Variants in LYAR observed in about 807,000 individuals in gnomAD.
LYAR encodes Ly1 antibody reactive, also known as cell growth-regulating nucleolar protein.
LYAR carries 37 observed loss-of-function variants against 45.2 expected under a neutral mutation model. That is an observed-to-expected ratio of 0.82 (90% confidence interval 0.63 to 1.08). The LOEUF (loss-of-function observed/expected upper bound fraction) is 1.08, where lower values mean the gene tolerates loss of function less well. Among genes scored for constraint, LYAR ranks in the 50% least tolerant of loss-of-function variants. LYAR has a pLI of 0.00. For missense variants in LYAR, 493 were observed against 451.0 expected, an observed-to-expected ratio of 1.09 and a Z score of -0.84; for synonymous variants, 176 against 155.1, an observed-to-expected ratio of 1.14 and a Z score of -1.00.
chr4:4,280,507 AT>A (rs1457328310), intron 4 of LYAR, among the ~76,000 whole-genome samples: 1 of 152,138 alleles, frequency 6.6e-6, no homozygotes, highest in Non-Finnish European at 1.5e-5. Flanking sequence ...CAGATCTCAT[AT>A]TTTCTGATTT....
chr4:4,274,977 CTCTG>C (rs1475370365), intron 6 of LYAR, among the ~76,000 whole-genome samples: 5 of 152,352 alleles, frequency 3.3e-5, no homozygotes, highest in Admixed American at 2.6e-4. Flanking sequence ...GTCCACACCC[CTCTG>C]TCTGCACAGA....
chr4:4,288,593 C>T (rs754970068), intron 1 of LYAR, among the ~76,000 whole-genome samples: 10 of 149,170 alleles, frequency 6.7e-5, no homozygotes, highest in Non-Finnish European at 1.3e-4. Context: ...TCAAGTGATT[C>T]TCCGGCCTCA....
Position 4,281,807 on chromosome 4 carries a change from G to A in LYAR, c.213C>T (p.Asp71=). ...KGYEGKTHKG[D]IKQQAWIQKI... ...CCTGAATCCACGCCTGCTGTTTGAT[G>A]TCGCCTTTGTGGGTTTTACCTTCAT... The change falls in exon 4 of 10, where the codon GAC becomes GAT. Residue 71 remains aspartate (D), a synonymous_variant. Transcript: ENST00000343470. 1 of 1,614,034 alleles carries A rather than the reference G, an allele frequency of 6.2e-7. No homozygotes were observed. Among genetic ancestry groups the A allele is most frequent in the Non-Finnish European group, 8.5e-7 (1 of 1,179,884 alleles).
chr4:4,289,114 G>A (rs1269913099), intron 1 of LYAR, among the ~76,000 whole-genome samples: 1 of 152,168 alleles, frequency 6.6e-6, no homozygotes, highest in East Asian at 1.9e-4. Flanking sequence ...GGCTGACAAG[G>A]GTTACAATGG....
intron 2 of LYAR, among the ~76,000 whole-genome samples, chr4:4,285,517 C>T (rs1719571079): frequency 6.6e-6 from 1 of 152,208 alleles, no homozygotes; most frequent in East Asian, 1.9e-4. Context: ...ACATCACATT[C>T]TCAAAGAGCA....
In LYAR at chr4:4,283,603, G is replaced by C; in HGVS notation, c.122+18C>G. 6.2e-7 allele frequency: 1 copy of C among 1,605,782 alleles called. No individual in the cohort carries two copies. The highest frequency in any genetic ancestry group is 8.5e-7 in the Non-Finnish European group (1 of 1,177,228). The stretch of plus-strand genomic sequence containing the variant: ...ATCTGGATTTACTATGGATCTACAT[G>C]AATTCTGTGAAGCTTACCAGAAATC... On this transcript the variant is annotated intron_variant, in intron 3 of 9. Coordinates refer to ENST00000343470, the MANE Select transcript of LYAR (RefSeq NM_017816.3).
chr4:4,272,318 T>A (rs906970844), intron 8 of LYAR, among the ~76,000 whole-genome samples: 2 of 152,138 alleles, frequency 1.3e-5, no homozygotes, highest in African/African-American at 4.8e-5. Flanking sequence ...ACAAAAAATG[T>A]AACAACAACA....
chr4:4,275,439 CTT>C (rs11457102), intron 6 of LYAR, among the ~76,000 whole-genome samples: 1 of 143,960 alleles, frequency 6.9e-6, no homozygotes, highest in African/African-American at 2.6e-5. Flanking sequence ...TCTCATCATT[CTT>C]TTTTTTTTTT....
At chr4:4,281,729 A>T in intron 4 of LYAR, 54 bp downstream of exon 4, 1 of 1,345,894 alleles carries the variant, frequency 7.4e-7, no homozygotes, top group Non-Finnish European at 1.1e-6. Context: ...TTGGGCTTCC[A>T]AAGAAAGCGG....
chr4:4,278,098 G>A (rs1452197234), intron 6 of LYAR, among the ~76,000 whole-genome samples: 1 of 152,178 alleles, frequency 6.6e-6, no homozygotes, highest in Non-Finnish European at 1.5e-5. Context: ...TTGATTCTTA[G>A]TTAAAACAGA....
intron 8 of LYAR, among the ~76,000 whole-genome samples, chr4:4,272,509 A>T (rs565390986): frequency 6.6e-6 from 1 of 152,298 alleles, no homozygotes; most frequent in East Asian, 1.9e-4. Flanking sequence ...ATTATCAATA[A>T]CTAATAATAA....
chr4:4,283,926 A>G, intron 2 of LYAR, 131 bp from the exon 3 acceptor site: 1 of 535,746 alleles, frequency 1.9e-6, no homozygotes, highest in African/African-American at 1.9e-5. Context: ...AATCTACATA[A>G]AATTCCACCA....
chr4:4,268,147 G>A (rs1036635400), intron 9 of LYAR, 124 bp from the exon 10 acceptor site: 16 of 877,374 alleles, frequency 1.8e-5, no homozygotes, highest in Middle Eastern at 3.7e-4. Context: ...AAGCGACACC[G>A]GCGTGCTCTC....
At position 4,279,768 on chromosome 4, in the gene LYAR, A is replaced by G; in HGVS notation, c.238-19T>C. The G allele has an allele frequency of 2.7e-6, 4 of 1,474,734 alleles. No homozygotes were observed. The highest frequency in any genetic ancestry group is 3.8e-6 in the Non-Finnish European group (4 of 1,064,720). The allele number at this position is 1,474,734 out of a possible 1,614,324, so 91.4% of individuals were successfully genotyped here. The stretch of plus-strand genomic sequence containing the variant: ...TAATTTTCTACAAAAAGGGAAGAAA[A>G]AAGAAAAACTATTAATAAACAACCA... On this transcript the variant is annotated intron_variant, in intron 4 of 9. Transcript: ENST00000343470.
At chr4:4,285,241 T>C (rs887754827) in intron 2 of LYAR, among the ~76,000 whole-genome samples, 2 of 152,184 alleles carry the variant, frequency 1.3e-5, no homozygotes, top group African/African-American at 4.8e-5. Flanking sequence ...ACGGACAGCA[T>C]GTGGTCAGCT....
intron 3 of LYAR, 45 bp from the exon 4 acceptor site, chr4:4,281,942 T>C (rs775262486): frequency 1.6e-6 from 2 of 1,271,702 alleles, no homozygotes; most frequent in Non-Finnish European, 2.3e-6. Flanking sequence ...ATACCCAAGT[T>C]GGAGGCGCTA....
intron 1 of LYAR, among the ~76,000 whole-genome samples, chr4:4,287,382 C>T (rs114896369): frequency 0.019 from 2,933 of 152,308 alleles, 90 homozygotes; most frequent in African/African-American, 0.065. Flanking sequence ...CACCTGGGGC[C>T]CTCACGCAGG....
intron 6 of LYAR, among the ~76,000 whole-genome samples, chr4:4,278,647 T>C (rs1012922024): frequency 6.6e-6 from 1 of 152,230 alleles, no homozygotes; most frequent in Non-Finnish European, 1.5e-5. Flanking sequence ...CACCACCACC[T>C]GGGATACTTT....
At chr4:4,288,779 C>T (rs1448378072) in intron 1 of LYAR, among the ~76,000 whole-genome samples, 2 of 152,220 alleles carry the variant, frequency 1.3e-5, no homozygotes, top group Non-Finnish European at 2.9e-5. Context: ...GGCCACTGCG[C>T]TTGGCCTTGA....
Sources: allele counts gnomAD v4.1 joint callset (sites outside exome capture counted in the v4.1 genomes callset), GRCh38; gene constraint gnomAD v4.1.1; transcripts MANE v1.5; gene names NCBI Gene and HGNC (gene_info 2026-07-23, HGNC 2026-07-21).